Variants in PTPRD observed in about 807,000 individuals in gnomAD.
PTPRD encodes protein tyrosine phosphatase receptor type D, also known as receptor-type tyrosine-protein phosphatase delta.
PTPRD carries 34 observed loss-of-function variants against 214.5 expected under a neutral mutation model. The observed-to-expected ratio is 0.16, with a 90% CI of 0.12 to 0.21. The LOEUF (loss-of-function observed/expected upper bound fraction) is 0.21. PTPRD is among the 10% of genes least tolerant of loss of function. The pLI is 1.00. For synonymous variants in PTPRD, 1,128 were observed against 845.7 expected, an observed-to-expected ratio of 1.33 and a Z score of -5.79; for missense variants, 2,545 against 2,398.7, an observed-to-expected ratio of 1.06 and a Z score of -1.27.
chr9:9,271,422 T>G (rs1942878614), intron 9 of PTPRD, among the ~76,000 whole-genome samples: 1 of 151,330 alleles, frequency 6.6e-6, no homozygotes, highest in South Asian at 2.1e-4. Context: ...AAATCCCCCA[T>G]TTCATTCCTG....
chr9:9,227,988 C>A (rs985983420), intron 9 of PTPRD, among the ~76,000 whole-genome samples: 1 of 152,068 alleles, frequency 6.6e-6, no homozygotes, highest in Non-Finnish European at 1.5e-5. Flanking sequence ...AAGTAATGCC[C>A]TATTTTTCCA....
intron 11 of PTPRD, among the ~76,000 whole-genome samples, chr9:8,756,782 A>T (rs12344739): frequency 0.05 from 7,677 of 152,154 alleles, 482 homozygotes; most frequent in African/African-American, 0.15. Flanking sequence ...TTAAAAAAAA[A>T]TTTAAGTAGT....
At chr9:8,489,676 T>A (rs2097109564) in intron 27 of PTPRD, among the ~76,000 whole-genome samples, 1 of 151,926 alleles carries the variant, frequency 6.6e-6, no homozygotes, top group Admixed American at 6.6e-5. Context: ...GGAGTAAGGG[T>A]TTGGGACAGT....
chr9:9,095,121 T>C (rs145113946), intron 10 of PTPRD, among the ~76,000 whole-genome samples: 1 of 152,184 alleles, frequency 6.6e-6, no homozygotes, highest in East Asian at 1.9e-4. Flanking sequence ...GGTAATTATA[T>C]ATATTAAAAA....
chr9:10,158,277 G>T (rs186310452), intron 3 of PTPRD, among the ~76,000 whole-genome samples: 48 of 152,190 alleles, frequency 3.2e-4, no homozygotes, highest in African/African-American at 1.1e-3. Flanking sequence ...GAAGTTGTTG[G>T]GGTTACAGGC....
chr9:8,845,014 C>T (rs1008887623), intron 11 of PTPRD, among the ~76,000 whole-genome samples: 31 of 152,196 alleles, frequency 2.0e-4, no homozygotes, highest in African/African-American at 6.3e-4. Context: ...ATTATACTTG[C>T]ACTGACAAGT....
At chr9:9,168,371 C>T (rs1186915238) in intron 10 of PTPRD, among the ~76,000 whole-genome samples, 3 of 152,048 alleles carry the variant, frequency 2.0e-5, no homozygotes, top group Non-Finnish European at 4.4e-5. Context: ...AACCTTGTTT[C>T]ATTTTTATTG....
chr9:9,131,228 A>G (rs1343217174), intron 10 of PTPRD, among the ~76,000 whole-genome samples: 2 of 152,188 alleles, frequency 1.3e-5, no homozygotes, highest in Non-Finnish European at 2.9e-5. Flanking sequence ...GTTGATGCAA[A>G]TTAAGTCTGA....
At chr9:10,529,271 T>C (rs943838551) in intron 2 of PTPRD, among the ~76,000 whole-genome samples, 3 of 152,142 alleles carry the variant, frequency 2.0e-5, no homozygotes, top group Admixed American at 6.6e-5. Context: ...CATTCACACG[T>C]ATGTTTATTG....
At chr9:8,612,905 G>C (rs890931202) in intron 14 of PTPRD, among the ~76,000 whole-genome samples, 3 of 152,152 alleles carry the variant, frequency 2.0e-5, no homozygotes, top group Non-Finnish European at 4.4e-5. Flanking sequence ...ATCATGATGT[G>C]TTCTGTGATT....
rs201017248 is a variant in PTPRD, at chr9:8,485,900, C to A, written c.2917G>T (p.Val973Phe). 6.2e-7 allele frequency: 1 copy of A among 1,614,160 alleles called. No individual in the cohort carries two copies. ...IPLLPMEQLI[V>F]PADTTMTLTG... ...AGTGTCATAGTGGTGTCAGCTGGAACAATAAGCTGCTCCATCGGGAGAAGG... is the reference window on the plus strand; with the variant it reads ...AGTGTCATAGTGGTGTCAGCTGGAAAAATAAGCTGCTCCATCGGGAGAAGG... Residue 973 changes from valine (V) to phenylalanine (F), a missense_variant, in exon 28 of 46, where the codon GTT becomes TTT. By Grantham distance (50) the Val-to-Phe change is conservative. Coordinates refer to ENST00000381196, the MANE Select transcript of PTPRD (RefSeq NM_002839.4).
chr9:10,003,349 A>T (rs1271643376), intron 4 of PTPRD, among the ~76,000 whole-genome samples: 1 of 151,880 alleles, frequency 6.6e-6, no homozygotes, highest in African/African-American at 2.4e-5. Flanking sequence ...GGACCACTGA[A>T]TAATTTTTAA....
chr9:8,567,877 C>A (rs2089884996), intron 14 of PTPRD, among the ~76,000 whole-genome samples: 2 of 152,068 alleles, frequency 1.3e-5, no homozygotes. Context: ...CCAAGCCACA[C>A]AATTTATTCT....
intron 5 of PTPRD, among the ~76,000 whole-genome samples, chr9:9,919,988 G>T (rs1566321341): frequency 6.6e-6 from 1 of 151,986 alleles, no homozygotes; most frequent in African/African-American, 2.4e-5. Flanking sequence ...ACACCTTGAA[G>T]TTTTTTTTCA....
intron 5 of PTPRD, among the ~76,000 whole-genome samples, chr9:9,779,680 G>GCTATTATTAAAAAGTCAATAAACAA (rs1565200267): frequency 6.6e-6 from 1 of 152,124 alleles, no homozygotes; most frequent in Non-Finnish European, 1.5e-5. Context: ...AGTCAGAATG[G>GCTATTATTAAAAAGTCAATAAACAA]CTATTATTAA....
At chr9:8,807,884 C>T (rs1009930261) in intron 11 of PTPRD, among the ~76,000 whole-genome samples, 10 of 152,008 alleles carry the variant, frequency 6.6e-5, no homozygotes, top group Admixed American at 5.9e-4. Context: ...CGAGACAAGG[C>T]AAAATGGGTC....
chr9:9,612,927 G>T (rs2094594240), intron 7 of PTPRD, among the ~76,000 whole-genome samples: 1 of 151,350 alleles, frequency 6.6e-6, no homozygotes, highest in Non-Finnish European at 1.5e-5. Context: ...GTATTTACAT[G>T]GCCAGTTCTA....
At chr9:9,330,184 T>G (rs1475353130) in intron 9 of PTPRD, among the ~76,000 whole-genome samples, 1 of 152,132 alleles carries the variant, frequency 6.6e-6, no homozygotes, top group Non-Finnish European at 1.5e-5. Flanking sequence ...CTTCCTTGAT[T>G]TCCTGACACC....
intron 5 of PTPRD, among the ~76,000 whole-genome samples, chr9:9,805,640 T>C (rs2099068408): frequency 6.6e-6 from 1 of 152,172 alleles, no homozygotes; most frequent in Non-Finnish European, 1.5e-5. Flanking sequence ...TATGCCTTTA[T>C]TATTGGTGCT....
Sources: allele counts gnomAD v4.1 joint callset (sites outside exome capture counted in the v4.1 genomes callset), GRCh38; gene constraint gnomAD v4.1.1; transcripts MANE v1.5; gene names NCBI Gene and HGNC (gene_info 2026-07-23, HGNC 2026-07-21).